The following TRIM40 variants were observed in gnomAD, a reference collection of about 807,000 sequenced individuals.
The protein encoded by TRIM40 is E3 ubiquitin ligase TRIM40.
In TRIM40, 27 loss-of-function variants were observed where a neutral mutation model predicts 26.1. That is an observed-to-expected ratio of 1.04 (90% CI 0.76 to 1.43). TRIM40 has a LOEUF of 1.43. Among genes scored for constraint, TRIM40 ranks in the 40% most tolerant of loss-of-function variants. The pLI is 0.00. For missense variants in TRIM40, 289 were observed against 307.9 expected (o/e 0.94, Z 0.46); for synonymous variants, 114 against 120.0 (o/e 0.95, Z 0.33).
Position 30,136,933 on chromosome 6 carries a change from G to A in TRIM40, c.-104G>A, listed in dbSNP as rs1771033545. On this transcript the variant is annotated 5_prime_UTR_variant, in exon 2 of 6. Coordinates refer to ENST00000396581, the MANE Select transcript of TRIM40 (RefSeq NM_001286633.2). ...GGCTGCTCCAGGGCTGCCTCCTTCC[G>A]ACTGGGCCTTCTTATCTGGGACTGT... is the stretch of plus-strand genomic sequence containing the variant. The A allele has an allele frequency of 1.2e-5, 15 of 1,214,396 alleles. No individual in the cohort carries two copies. The highest frequency in any genetic ancestry group is 2.1e-4 in the Middle Eastern group (1 of 4,682). The allele number at this position is 1,214,396 out of a possible 1,614,324, so 75.2% of individuals were successfully genotyped here. A position where few individuals can be genotyped will look rare whatever the true frequency, so the allele number is the denominator to read the frequency against.
At chr6:30,141,936 C>G (rs1387010765) in intron 2 of TRIM40, among the ~76,000 whole-genome samples, 3 of 151,972 alleles carry the variant, frequency 2.0e-5, no homozygotes, top group African/African-American at 7.3e-5. Flanking sequence ...GGACAGACAG[C>G]AAACAAGAAG....
chr6:30,137,401 G>A lies in TRIM40; in HGVS notation c.345+20G>A, dbSNP rs770663286. ...TACAAGGTAAGCCTGGGTCACCGCA[G>A]CCAGGCCCTGCCTCCACCTCGCTGA... On this transcript the variant is annotated intron_variant, in intron 2 of 5. Transcript: ENST00000396581. 2 of 1,588,470 alleles carry A rather than the reference G, an allele frequency of 1.3e-6. No homozygotes were observed. Among genetic ancestry groups the A allele is most frequent in the Non-Finnish European group, 1.7e-6 (2 of 1,166,224 alleles).
chr6:30,142,132 T>G (rs2127423513), intron 2 of TRIM40, among the ~76,000 whole-genome samples: 1 of 152,270 alleles, frequency 6.6e-6, no homozygotes, highest in East Asian at 1.9e-4. Flanking sequence ...TCACCATATC[T>G]CTATTTATTT....
At chr6:30,138,210 G>C (rs899329504) in intron 2 of TRIM40, among the ~76,000 whole-genome samples, 1 of 152,118 alleles carries the variant, frequency 6.6e-6, no homozygotes, top group African/African-American at 2.4e-5. Context: ...GAACTGTGTG[G>C]TATTAAATTC....
At chr6:30,146,348 G>C (rs1212457908) in intron 3 of TRIM40, among the ~76,000 whole-genome samples, 1 of 152,186 alleles carries the variant, frequency 6.6e-6, no homozygotes, top group Non-Finnish European at 1.5e-5. Flanking sequence ...AGGGATCAAA[G>C]GAGACCAGTG....
intron 2 of TRIM40, among the ~76,000 whole-genome samples, chr6:30,145,379 TG>T (rs1413006322): frequency 6.6e-6 from 1 of 152,230 alleles, no homozygotes; most frequent in East Asian, 1.9e-4. Flanking sequence ...TTGTTATTTT[TG>T]CTTCTCTTAT....
chr6:30,137,093 G>A lies in TRIM40; in HGVS notation c.57G>A (p.Glu19=), dbSNP rs941295079. 2 of 1,612,972 alleles carry A rather than the reference G, an allele frequency of 1.2e-6. No homozygotes were observed. Among genetic ancestry groups the A allele is most frequent in the Admixed American group, 1.7e-5 (1 of 60,016 alleles). The change falls in exon 2 of 6, where the codon GAG becomes GAA. Residue 19 remains glutamate, a synonymous_variant. Transcript: ENST00000396581. Reference sequence around the variant, plus strand: ...AGGGTGTCTGCCCCATCTGCCAGGAGAGCCTGAAGGAGGCCGTGAGCACCA... The same window carrying A: ...AGGGTGTCTGCCCCATCTGCCAGGAAAGCCTGAAGGAGGCCGTGAGCACCA... ...QEEGVCPICQ[E]SLKEAVSTNC...
Position 30,147,213 on chromosome 6 carries a change from C to G in TRIM40, c.666+4C>G. The G allele has an allele frequency of 6.2e-7, 1 of 1,614,100 alleles. No homozygotes were observed. ...ATTAGACACCAACACACTGAAGGTG[C>G]ATACCCTGAGGCCTTCCCCAAGGGC... On this transcript the variant is annotated splice_donor_region_variant and intron_variant, in intron 4 of 5. Transcript: ENST00000396581.
intron 2 of TRIM40, among the ~76,000 whole-genome samples, chr6:30,144,049 G>A (rs1197264117): frequency 6.6e-6 from 1 of 152,154 alleles, no homozygotes; most frequent in Non-Finnish European, 1.5e-5. Context: ...ATGAGGAGGT[G>A]TGGCTGCACG....
At chr6:30,146,556 A>T (rs1036453676) in intron 3 of TRIM40, among the ~76,000 whole-genome samples, 17 of 152,142 alleles carry the variant, frequency 1.1e-4, no homozygotes, top group Middle Eastern at 6.8e-3. Flanking sequence ...GACTACAGGC[A>T]CTTGCCACCA....
rs1400017599 is a variant in TRIM40 at position 30,146,080 on chromosome 6, G to A, written c.432G>A (p.Gln144=). The change falls in exon 3 of 6, where the codon CAG becomes CAA. Residue 144 remains glutamine, a synonymous_variant. Transcript: ENST00000396581. ...RLKAQQEKKL[Q]ALQFQVDHGN... The stretch of plus-strand genomic sequence containing the variant: ...AGGCTCAGCAGGAGAAGAAACTGCA[G>A]GCTCTGCAGGTGGGTTTTTCGGGTT... 4 of 1,612,836 alleles carry A rather than the reference G, an allele frequency of 2.5e-6. No homozygotes were observed. The highest frequency in any genetic ancestry group is 8.5e-7 in the Non-Finnish European group (1 of 1,179,934).
In TRIM40 at chr6:30,137,183, G is replaced by T. The variant is rs780946869; in HGVS notation, c.147G>T (p.Gly49=). ...TQHVEKASAS[G]VFCCPLCRKP... ...ATGTGGAGAAGGCCTCAGCCTCTGGGGTCTTCTGCTGCCCCCTCTGCCGGA... is the reference window on the plus strand; with the variant it reads ...ATGTGGAGAAGGCCTCAGCCTCTGGTGTCTTCTGCTGCCCCCTCTGCCGGA... Residue 49 remains glycine, a synonymous_variant, in exon 2 of 6, where the codon GGG becomes GGT. Coordinates refer to ENST00000396581, the MANE Select transcript of TRIM40 (RefSeq NM_001286633.2). 1 of 1,612,930 alleles carries T rather than the reference G, an allele frequency of 6.2e-7. No homozygotes were observed. The highest frequency in any genetic ancestry group is 2.2e-5 in the East Asian group (1 of 44,890).
rs940990565 is a variant in TRIM40, at chr6:30,137,341, A to T, written c.305A>T (p.His102Leu). ...ECLVSPEHMS[H>L]HELTIENALS... Reference sequence around the variant, plus strand: ...CTGGTGTCCCCTGAACACATGTCTCATCATGAACTGACCATTGAAAATGCC... The same window carrying T: ...CTGGTGTCCCCTGAACACATGTCTCTTCATGAACTGACCATTGAAAATGCC... The change falls in exon 2 of 6, where the codon CAT becomes CTT. Residue 102 changes from histidine to leucine, a missense_variant. Physicochemically the swap from His to Leu is moderately conservative, Grantham distance 99. Coordinates refer to ENST00000396581, the MANE Select transcript of TRIM40 (RefSeq NM_001286633.2). The T allele has an allele frequency of 6.2e-7, 1 of 1,612,060 alleles. No homozygotes were observed. Among genetic ancestry groups the T allele is most frequent in the South Asian group, 1.1e-5 (1 of 91,068 alleles).
chr6:30,144,739 G>A (rs974006998), intron 2 of TRIM40, among the ~76,000 whole-genome samples: 10 of 152,178 alleles, frequency 6.6e-5, no homozygotes, highest in Non-Finnish European at 2.9e-5. Flanking sequence ...AATGACGACA[G>A]TGAGGAGGTG....
Position 30,147,111 on chromosome 6 carries a change from G to C in TRIM40, c.568G>C (p.Ala190Pro). The change falls in exon 4 of 6, where the codon GCC becomes CCC. Residue 190 changes from alanine (A) to proline (P), a missense_variant. Coordinates refer to ENST00000396581, the MANE Select transcript of TRIM40 (RefSeq NM_001286633.2). ...GCTGGAGCACATGCCAGCAGAAGCG[G>C]CCAGAATCCTTGACATCTCCAGGGC... ...GQLEHMPAEA[A>P]RILDISRAVT... 1 of 1,614,212 alleles carries C rather than the reference G, an allele frequency of 6.2e-7. No individual in the cohort carries two copies. The highest frequency in any genetic ancestry group is 8.5e-7 in the Non-Finnish European group (1 of 1,180,038).
chr6:30,144,669 A>G (rs760850183), intron 2 of TRIM40, among the ~76,000 whole-genome samples: 1 of 152,178 alleles, frequency 6.6e-6, no homozygotes, highest in Non-Finnish European at 1.5e-5. Flanking sequence ...TGGAGATCTC[A>G]GGTGACTTTG....
At chr6:30,136,339 G>T (rs1446245172) in intron 1 of TRIM40, 150 bp downstream of exon 1, 1 of 152,394 alleles carries the variant, frequency 6.6e-6, no homozygotes, top group Non-Finnish European at 1.5e-5. Context: ...TGACAGGAAG[G>T]AACAAAGTGG....
chr6:30,143,537 C>CT (rs1267185907), intron 2 of TRIM40, among the ~76,000 whole-genome samples: 2 of 150,056 alleles, frequency 1.3e-5, no homozygotes, highest in Non-Finnish European at 3.0e-5. Flanking sequence ...ATTTAATGCC[C>CT]TTTTTTGTCA....
At position 30,137,120 on chromosome 6, in the gene TRIM40, C is replaced by T. The variant is rs1164520207; in HGVS notation, c.84C>T (p.Asn28=). The change falls in exon 2 of 6, where the codon AAC becomes AAT. Residue 28 remains asparagine, a synonymous_variant. Transcript: ENST00000396581. The part of the protein sequence containing the change: ...QESLKEAVST[N]CGHLFCRVCL... ...GCCTGAAGGAGGCCGTGAGCACCAA[C>T]TGCGGACATCTCTTCTGTCGAGTGT... is the stretch of plus-strand genomic sequence containing the variant. 6.2e-7 allele frequency: 1 copy of T among 1,613,106 alleles called. No homozygotes were observed. The highest frequency in any genetic ancestry group is 8.5e-7 in the Non-Finnish European group (1 of 1,180,038).
Sources: allele counts gnomAD v4.1 joint callset (sites outside exome capture counted in the v4.1 genomes callset), GRCh38; gene constraint gnomAD v4.1.1; transcripts MANE v1.5; gene names NCBI Gene and HGNC (gene_info 2026-07-23, HGNC 2026-07-21).